Variants in GTF2I observed in about 807,000 individuals in gnomAD.
GTF2I encodes general transcription factor IIi.
Under a neutral mutation model 67.6 loss-of-function variants are expected in GTF2I, and 12 were observed. The ratio of observed to expected loss-of-function variants is 0.18; its 90% CI spans 0.11 to 0.29. The LOEUF is 0.29. GTF2I is among the 10% of genes least tolerant of loss of function. GTF2I has a pLI of 1.00. For missense variants in GTF2I, 271 were observed against 580.1 expected, an observed-to-expected ratio of 0.47 and a Z score of 5.47; for synonymous variants, 149 against 197.0, an observed-to-expected ratio of 0.76 and a Z score of 2.04.
chr7:74,665,440 C>T (rs757980734), intron 1 of GTF2I, among the ~76,000 whole-genome samples: 42 of 151,810 alleles, frequency 2.8e-4, no homozygotes, highest in Non-Finnish European at 4.4e-4. Flanking sequence ...TTAGCAGAGA[C>T]AGGGTTTCAC....
intron 1 of GTF2I, among the ~76,000 whole-genome samples, chr7:74,662,874 G>A (rs903895362): frequency 6.6e-6 from 1 of 152,004 alleles, no homozygotes; most frequent in Admixed American, 6.6e-5. Flanking sequence ...ATAGGTGGGA[G>A]GAATGGTTTT....
chr7:74,687,515 G>A (rs1266945237), intron 1 of GTF2I: 1 of 981,206 alleles, frequency 1.0e-6, no homozygotes. Flanking sequence ...GAGCCACCAC[G>A]CCCAGTGGAT....
At chr7:74,692,534 A>G (rs1788424003) in intron 3 of GTF2I, among the ~76,000 whole-genome samples, 1 of 152,200 alleles carries the variant, frequency 6.6e-6, no homozygotes, top group Non-Finnish European at 1.5e-5. Context: ...CATTTAGAGC[A>G]GTGGTGAGCT....
intron 3 of GTF2I, among the ~76,000 whole-genome samples, chr7:74,696,445 G>A (rs1298105362): frequency 1.3e-5 from 2 of 151,602 alleles, no homozygotes; most frequent in East Asian, 3.9e-4. Flanking sequence ...TCCTGCCTCA[G>A]CCTTTCTAGT....
Position 74,716,887 on chromosome 7 carries a change from T to G in GTF2I, c.824-7T>G, listed in dbSNP as rs782142643. On this transcript the variant is annotated splice_polypyrimidine_tract_variant and splice_region_variant and intron_variant, in intron 10 of 34. Coordinates refer to ENST00000573035, the MANE Select transcript of GTF2I (RefSeq NM_032999.4). ...GGTTTATTATATGTTGTTTATTTTC[T>G]TTTTAGGAAGCCACCATTCTTCAGA... The G allele has an allele frequency of 1.3e-5, 21 of 1,592,342 alleles. No individual in the cohort carries two copies. Among genetic ancestry groups the G allele is most frequent in the Non-Finnish European group, 1.7e-5 (20 of 1,163,170 alleles).
chr7:74,681,455 AAAG>A (rs1390909589), intron 1 of GTF2I, among the ~76,000 whole-genome samples: 1 of 150,640 alleles, frequency 6.6e-6, no homozygotes, highest in South Asian at 2.1e-4. Flanking sequence ...AAAAAGAAAA[AAAG>A]AAAAAAAAAT....
At chr7:74,716,314 T>C (rs1194013092) in intron 10 of GTF2I, among the ~76,000 whole-genome samples, 1 of 152,136 alleles carries the variant, frequency 6.6e-6, no homozygotes, top group African/African-American at 2.4e-5. Context: ...GCAGGCAGAT[T>C]ATATTACCTG....
chr7:74,753,031 T>G, intron 28 of GTF2I, 63 bp from the exon 29 acceptor site: 1 of 1,593,782 alleles, frequency 6.3e-7, no homozygotes, highest in Non-Finnish European at 8.5e-7. Context: ...AGATACCATC[T>G]CTTTACCATA....
chr7:74,724,482 TA>T (rs1793507563), intron 12 of GTF2I, among the ~76,000 whole-genome samples: 1 of 152,220 alleles, frequency 6.6e-6, no homozygotes, highest in African/African-American at 2.4e-5. Context: ...GTGTATTCGT[TA>T]ATATGTTGCA....
At chr7:74,661,553 T>C (rs1215100256) in intron 1 of GTF2I, among the ~76,000 whole-genome samples, 1 of 151,868 alleles carries the variant, frequency 6.6e-6, no homozygotes, top group Admixed American at 6.6e-5. Context: ...GTGGCGTGCG[T>C]ACGTAGTTTC....
intron 6 of GTF2I, among the ~76,000 whole-genome samples, chr7:74,703,165 A>C (rs1192877867): frequency 1.3e-5 from 2 of 151,836 alleles, no homozygotes; most frequent in African/African-American, 2.4e-5. Flanking sequence ...ATAAGTCTCT[A>C]ATTGATGATT....
intron 1 of GTF2I, among the ~76,000 whole-genome samples, chr7:74,665,263 A>AT (rs1243450371): frequency 4.8e-5 from 7 of 146,770 alleles, no homozygotes; most frequent in Non-Finnish European, 1.1e-4. Context: ...TTTTATTTTT[A>AT]TTTTTTGAGA....
chr7:74,663,550 C>T (rs1804704246), intron 1 of GTF2I, among the ~76,000 whole-genome samples: 1 of 152,142 alleles, frequency 6.6e-6, no homozygotes, highest in Non-Finnish European at 1.5e-5. Context: ...CTCGGCCTCC[C>T]CAAGTGCTGA....
At chr7:74,691,878 G>A (rs1788343948) in intron 3 of GTF2I, among the ~76,000 whole-genome samples, 1 of 151,838 alleles carries the variant, frequency 6.6e-6, no homozygotes, top group Non-Finnish European at 1.5e-5. Context: ...CCATGTTCAA[G>A]CAATTCTTCT....
At chr7:74,715,031 AG>A in intron 10 of GTF2I, 115 bp downstream of exon 10, 2 of 591,164 alleles carry the variant, frequency 3.4e-6, no homozygotes, top group South Asian at 4.8e-5. Flanking sequence ...TAAATGGAAA[AG>A]GAAAAAAATG....
chr7:74,705,946 CAGTTGATAACTCT>C (rs1790612869), intron 7 of GTF2I, among the ~76,000 whole-genome samples: 1 of 151,982 alleles, frequency 6.6e-6, no homozygotes, highest in Non-Finnish European at 1.5e-5. Flanking sequence ...GTACTAAGTT[CAGTTGATAACTCT>C]TTTTTTTTGT....
At chr7:74,680,095 A>ATATATATAT (rs1330438660) in intron 1 of GTF2I, among the ~76,000 whole-genome samples, 2 of 98,486 alleles carry the variant, frequency 2.0e-5, no homozygotes, top group Admixed American at 1.0e-4. Context: ...AAAAAAAAAA[A>ATATATATAT]AAAAATATAT....
At chr7:74,680,830 A>G (rs1787212952) in intron 1 of GTF2I, among the ~76,000 whole-genome samples, 1 of 152,320 alleles carries the variant, frequency 6.6e-6, no homozygotes, top group Non-Finnish European at 1.5e-5. Context: ...CAAAAAGAAA[A>G]TTTTATGGAA....
At position 74,673,142 on chromosome 7, in the gene GTF2I, G is replaced by A. The variant is rs367870108; in HGVS notation, c.-6+15074G>A. Among the ~76,000 whole-genome samples the A allele has an allele frequency of 1.6e-4, 24 of 152,252 alleles. 1 individual carries two copies. The South Asian group carries it at 4.4e-3, about 28-fold the overall frequency. ...CCCAAAGTGCTGGGATTACAGGCCT[G>A]AGCCACTGCCCCGAGCTGAGTTTAC... On this transcript the variant is annotated intron_variant, in intron 1 of 34. Coordinates refer to ENST00000573035, the MANE Select transcript of GTF2I (RefSeq NM_032999.4).
Sources: allele counts gnomAD v4.1 joint callset (sites outside exome capture counted in the v4.1 genomes callset), GRCh38; gene constraint gnomAD v4.1.1; transcripts MANE v1.5; gene names NCBI Gene and HGNC (gene_info 2026-07-23, HGNC 2026-07-21).